COG2: variants seen among roughly 807,000 people sequenced by gnomAD.
COG2 encodes conserved oligomeric Golgi complex subunit 2.
In COG2, 52 loss-of-function variants were observed where a neutral mutation model predicts 90.6. The observed-to-expected ratio is 0.57, with a 90% CI of 0.46 to 0.72. The LOEUF is 0.72. Among genes scored for constraint, COG2 ranks in the 30% least tolerant of loss-of-function variants. The pLI, the probability that COG2 is intolerant of heterozygous loss-of-function variation, is 0.00. For missense variants in COG2, 829 were observed against 891.2 expected (o/e 0.93, Z 0.89); for synonymous variants, 337 against 320.4 (o/e 1.05, Z -0.55).
At chr1:230,656,202 G>A (rs879955225) in intron 1 of COG2, among the ~76,000 whole-genome samples, 10 of 152,136 alleles carry the variant, frequency 6.6e-5, no homozygotes, top group Admixed American at 3.9e-4. Flanking sequence ...TGATGTTAGG[G>A]TGTCAGTTTT....
In COG2 at chr1:230,669,432, T is replaced by C. The variant is rs1440763678; in HGVS notation, c.671T>C (p.Val224Ala). The C allele has an allele frequency of 6.2e-7, 1 of 1,614,086 alleles. No homozygotes were observed. The highest frequency in any genetic ancestry group is 1.3e-5 in the African/African-American group (1 of 75,034). ...TTAGAAGGCCTTCAGACGTCTGACGTCGATATAATACGGCACTGCTTGCGG... is the reference window on the plus strand; with the variant it reads ...TTAGAAGGCCTTCAGACGTCTGACGCCGATATAATACGGCACTGCTTGCGG... The part of the protein sequence containing the change: ...LLLEGLQTSD[V>A]DIIRHCLRTY... The change falls in exon 7 of 18, where the codon GTC (valine) becomes GCC (alanine). Residue 224 changes from valine (V) to alanine (A), a missense_variant. Transcript: ENST00000366669.
rs190087578 is a variant in COG2, at chr1:230,677,309, C to T, written c.1027-1604C>T. On this transcript the variant is annotated intron_variant, in intron 9 of 17. Transcript: ENST00000366669. ...GTCATATTTGTTGTTTGTCTAGCCT[C>T]CCTGGCGAATTTGTTTATTAATTTT... Among the ~76,000 whole-genome samples, 13 of 152,262 alleles carry T rather than the reference C, an allele frequency of 8.5e-5. No individual in the cohort carries two copies. In the East Asian group the frequency reaches 2.5e-3, roughly 29 times the overall value.
intron 4 of COG2, among the ~76,000 whole-genome samples, chr1:230,664,013 C>T (rs939095609): frequency 2.6e-5 from 4 of 151,974 alleles, no homozygotes; most frequent in African/African-American, 9.7e-5. Flanking sequence ...ATAGCAAAAC[C>T]CTGTCTTTAC....
At chr1:230,673,781 C>A (rs1050065393) in intron 8 of COG2, among the ~76,000 whole-genome samples, 1 of 152,146 alleles carries the variant, frequency 6.6e-6, no homozygotes. Flanking sequence ...AATTTCCTAA[C>A]AATACTTAGG....
chr1:230,667,954 AT>A (rs1314873843), intron 5 of COG2, among the ~76,000 whole-genome samples: 1 of 152,102 alleles, frequency 6.6e-6, no homozygotes, highest in East Asian at 1.9e-4. Flanking sequence ...CATTTATTAT[AT>A]TTTGTGCCAG....
chr1:230,655,865 G>A (rs1391570936), intron 1 of COG2, among the ~76,000 whole-genome samples: 1 of 152,172 alleles, frequency 6.6e-6, no homozygotes, highest in African/African-American at 2.4e-5. Flanking sequence ...ATTTCTTCTA[G>A]ATTTTCTAGT....
intron 1 of COG2, among the ~76,000 whole-genome samples, chr1:230,646,164 C>T (rs1199930529): frequency 1.3e-5 from 2 of 152,172 alleles, no homozygotes; most frequent in East Asian, 1.9e-4. Context: ...TAAAGCCCAT[C>T]GCTCTCTTCC....
At chr1:230,684,038 C>G (rs1008670263) in intron 11 of COG2, among the ~76,000 whole-genome samples, 1 of 152,014 alleles carries the variant, frequency 6.6e-6, no homozygotes, top group Non-Finnish European at 1.5e-5. Context: ...TGATTCACCC[C>G]CCCTTGGCCT....
intron 1 of COG2, among the ~76,000 whole-genome samples, chr1:230,647,514 GT>G (rs1379229512): frequency 6.6e-6 from 1 of 152,172 alleles, no homozygotes; most frequent in African/African-American, 2.4e-5. Flanking sequence ...GCGGGCTTCA[GT>G]TTCCTCATTT....
intron 1 of COG2, among the ~76,000 whole-genome samples, chr1:230,654,591 T>C (rs1434503578): frequency 2.0e-5 from 3 of 152,240 alleles, no homozygotes; most frequent in Non-Finnish European, 4.4e-5. Context: ...GTCTTGGCTA[T>C]GCGAGCTCTT....
chr1:230,674,310 C>T (rs1487088835), intron 8 of COG2, among the ~76,000 whole-genome samples: 2 of 152,298 alleles, frequency 1.3e-5, no homozygotes, highest in East Asian at 3.9e-4. Flanking sequence ...GATTTGCCCG[C>T]CCTCCAATAT....
chr1:230,672,188 C>T lies in COG2; in HGVS notation c.899+548C>T, dbSNP rs551891314. On this transcript the variant is annotated intron_variant, in intron 8 of 17. Coordinates refer to ENST00000366669, the MANE Select transcript of COG2 (RefSeq NM_007357.3). ...CCTGTCTCCCTGCTTCCAGTCTCTCCCTCTCTAGTCTAGGCTTCTGACTGT... is the reference window on the plus strand; with the variant it reads ...CCTGTCTCCCTGCTTCCAGTCTCTCTCTCTCTAGTCTAGGCTTCTGACTGT... 3.3e-5 allele frequency among the ~76,000 whole-genome samples: 5 copies of T among 152,236 alleles called. No individual in the cohort carries two copies. In the South Asian group the frequency reaches 1.0e-3, roughly 32 times the overall value.
At chr1:230,645,519 A>G (rs1008849625) in intron 1 of COG2, among the ~76,000 whole-genome samples, 6 of 152,118 alleles carry the variant, frequency 3.9e-5, no homozygotes, top group Non-Finnish European at 8.8e-5. Context: ...CACTCCCATC[A>G]TTAACCTGTT....
chr1:230,646,701 GA>G (rs71175817), intron 1 of COG2, among the ~76,000 whole-genome samples: 33,053 of 151,806 alleles, frequency 0.22, 4,199 homozygotes, highest in Admixed American at 0.3. Context: ...GGGGGAAGAT[GA>G]AAAAAACCAA....
At chr1:230,643,966 G>T (rs1168933420) in intron 1 of COG2, among the ~76,000 whole-genome samples, 1 of 152,112 alleles carries the variant, frequency 6.6e-6, no homozygotes, top group Non-Finnish European at 1.5e-5. Flanking sequence ...GAGATCAGGG[G>T]CCTTGTTGAC....
At chr1:230,664,612 C>T (rs373636879) in intron 5 of COG2, 25 bp downstream of exon 5, 87 of 1,173,250 alleles carry the variant, frequency 7.4e-5, no homozygotes, top group Non-Finnish European at 9.8e-5. Flanking sequence ...TTAAATAACT[C>T]GTAAATTAAT....
At position 230,678,666 on chromosome 1, in the gene COG2, T is replaced by TA. The variant is rs1360022302; in HGVS notation, c.1027-246dup. 28 of 1,414,740 alleles carry TA rather than the reference T, an allele frequency of 2.0e-5. No individual in the cohort carries two copies. In the East Asian group the frequency reaches 8.8e-4, roughly 44 times the overall value. 87.6% of individuals were successfully genotyped at this position (1,414,740 alleles called of 1,614,324 possible). Reference sequence around the variant, plus strand: ...ACTGCCATTTAAAGAGCACCAGACTTAGAGTGCCTGGGTCTCAGATGGGCT... The same window carrying TA: ...ACTGCCATTTAAAGAGCACCAGACTTAAGAGTGCCTGGGTCTCAGATGGGCT... On this transcript the variant is annotated intron_variant, in intron 9 of 17. Transcript: ENST00000366669.
At chr1:230,663,025 A>G (rs1662221970) in intron 3 of COG2, 116 bp from the exon 4 acceptor site, 3 of 623,342 alleles carry the variant, frequency 4.8e-6, no homozygotes, top group African/African-American at 1.9e-5. Context: ...TAATTTGTCA[A>G]TATCTGTGTA....
At position 230,691,563 on chromosome 1, in the gene COG2, A is replaced by G; in HGVS notation, c.2114A>G (p.Gln705Arg). The G allele has an allele frequency of 1.2e-6, 2 of 1,606,996 alleles. No homozygotes were observed. Residue 705 changes from glutamine to arginine, a missense_variant and splice_region_variant, in exon 17 of 18, where the codon CAG becomes CGG. Physicochemically the swap from Gln to Arg is conservative, Grantham distance 43. Transcript: ENST00000366669. ...LALDVEYLGE[Q>R]IQKLGLQASD... is the part of the protein sequence containing the mutation. ...CTAGATGTTGAGTACTTGGGAGAGC[A>G]GGTAACCCATCAGCCGCCGGCAGCT...
Sources: gnomAD v4.1 joint callset for allele counts (sites outside exome capture counted in the v4.1 genomes callset) on GRCh38, gnomAD v4.1.1 for gene constraint, MANE v1.5 for transcripts, NCBI Gene and HGNC (gene_info 2026-07-23, HGNC 2026-07-21) for gene names.